SYT14: variants seen among roughly 807,000 people sequenced by gnomAD.
The protein encoded by SYT14 is synaptotagmin 14.
In SYT14, 32 loss-of-function variants were observed where a neutral mutation model predicts 74.2. The ratio of observed to expected loss-of-function variants is 0.43; its 90% CI spans 0.33 to 0.58. SYT14 has a LOEUF of 0.58. Ranked by LOEUF, SYT14 falls within the 20% of genes least tolerant of loss-of-function variation. The pLI is 0.05. For synonymous variants in SYT14, 298 were observed against 337.7 expected (o/e 0.88, Z 1.29); for missense variants, 791 against 981.8 (o/e 0.81, Z 2.60).
chr1:209,990,548 T>TACGTATATATATGTATATATATATATAC, intron 2 of SYT14, among the ~76,000 whole-genome samples: 1 of 68,060 alleles, frequency 1.5e-5, no homozygotes, highest in East Asian at 3.3e-4. Context: ...CGTATATATA[T>TACGTATATATATGTATATATATATATAC]GTATATATAT....
intron 1 of SYT14, among the ~76,000 whole-genome samples, chr1:209,948,098 T>C (rs529029936): frequency 1.3e-5 from 2 of 152,236 alleles, no homozygotes; most frequent in Non-Finnish European, 2.9e-5. Flanking sequence ...CCAAAAAGTT[T>C]ATGTGACTTG....
chr1:210,128,551 T>C (rs2082614808), intron 7 of SYT14, among the ~76,000 whole-genome samples: 1 of 152,208 alleles, frequency 6.6e-6, no homozygotes, highest in Non-Finnish European at 1.5e-5. Context: ...CACTTTTATA[T>C]TACATTAGAA....
intron 2 of SYT14, among the ~76,000 whole-genome samples, chr1:209,958,612 A>G (rs2079029051): frequency 6.6e-6 from 1 of 152,138 alleles, no homozygotes; most frequent in Non-Finnish European, 1.5e-5. Flanking sequence ...TTATGTTTAG[A>G]TACCTTATAT....
intron 2 of SYT14, among the ~76,000 whole-genome samples, chr1:209,961,652 A>G (rs114447222): frequency 1.4e-3 from 206 of 152,252 alleles, no homozygotes; most frequent in African/African-American, 4.1e-3. Flanking sequence ...TGGTATGTAC[A>G]TATTATTATT....
intron 5 of SYT14, among the ~76,000 whole-genome samples, chr1:210,063,408 G>A (rs759159400): frequency 6.6e-6 from 1 of 151,676 alleles, no homozygotes; most frequent in Non-Finnish European, 1.5e-5. Context: ...ACTTTATTGT[G>A]TTCCAATTAA....
intron 7 of SYT14, among the ~76,000 whole-genome samples, chr1:210,111,476 A>G (rs1215371420): frequency 6.6e-6 from 1 of 151,340 alleles, no homozygotes; most frequent in African/African-American, 2.5e-5. Flanking sequence ...AAGAAAAATA[A>G]AACAAAATAC....
intron 2 of SYT14, 131 bp downstream of exon 2, chr1:209,952,887 TACAG>T (rs1356384182): frequency 9.1e-7 from 1 of 1,104,208 alleles, no homozygotes; most frequent in Non-Finnish European, 1.3e-6. Context: ...ACATTTGTCT[TACAG>T]ACTTAAGCAT....
chr1:209,993,798 G>A (rs1298669892), intron 2 of SYT14, among the ~76,000 whole-genome samples: 2 of 152,116 alleles, frequency 1.3e-5, no homozygotes, highest in African/African-American at 4.8e-5. Flanking sequence ...GTGCACACCT[G>A]TGAAAGTGAG....
intron 2 of SYT14, among the ~76,000 whole-genome samples, chr1:209,987,537 G>A (rs1283412045): frequency 6.6e-6 from 1 of 152,172 alleles, no homozygotes; most frequent in Non-Finnish European, 1.5e-5. Flanking sequence ...ACTACTGTAA[G>A]GACAGCACCA....
chr1:209,971,924 C>T (rs1043414538), intron 2 of SYT14, among the ~76,000 whole-genome samples: 1 of 152,118 alleles, frequency 6.6e-6, no homozygotes, highest in African/African-American at 2.4e-5. Flanking sequence ...AGGAGTCCCT[C>T]CTCCTTGTTT....
intron 2 of SYT14, among the ~76,000 whole-genome samples, chr1:210,008,063 C>T (rs1572149907): frequency 6.6e-6 from 1 of 152,126 alleles, no homozygotes; most frequent in Non-Finnish European, 1.5e-5. Flanking sequence ...GTTTTACTTA[C>T]TCTTTGTGAA....
chr1:210,153,744 T>C (rs2102707015), intron 7 of SYT14, among the ~76,000 whole-genome samples: 1 of 152,330 alleles, frequency 6.6e-6, no homozygotes, highest in East Asian at 1.9e-4. Context: ...CATTTTATTG[T>C]CTTTAGTAAG....
At chr1:210,081,246 G>A (rs1164177896) in intron 5 of SYT14, among the ~76,000 whole-genome samples, 2 of 152,092 alleles carry the variant, frequency 1.3e-5, no homozygotes, top group East Asian at 1.9e-4. Context: ...GTATAGAACC[G>A]GCTCTGAAGA....
chr1:209,954,034 A>G (rs2078953514), intron 2 of SYT14, among the ~76,000 whole-genome samples: 1 of 152,242 alleles, frequency 6.6e-6, no homozygotes, highest in Non-Finnish European at 1.5e-5. Context: ...TGTTTGAAAT[A>G]ATTTTATAGT....
intron 5 of SYT14, among the ~76,000 whole-genome samples, chr1:210,090,471 C>T (rs1173506740): frequency 1.3e-5 from 2 of 151,958 alleles, no homozygotes; most frequent in African/African-American, 2.4e-5. Context: ...GGTCATATTC[C>T]GTGTGTGCAC....
At chr1:210,034,559 T>G (rs1051392741) in intron 5 of SYT14, among the ~76,000 whole-genome samples, 1 of 151,624 alleles carries the variant, frequency 6.6e-6, no homozygotes, top group Non-Finnish European at 1.5e-5. Context: ...TACATTGTAC[T>G]CATTAGGCAA....
At chr1:209,945,494 T>TA (rs953994585) in intron 1 of SYT14, among the ~76,000 whole-genome samples, 8 of 152,202 alleles carry the variant, frequency 5.3e-5, no homozygotes, top group Admixed American at 3.3e-4. Flanking sequence ...GTTTCATGCT[T>TA]ACGATGTACA....
chr1:210,086,978 C>A (rs762686777), intron 5 of SYT14, among the ~76,000 whole-genome samples: 97 of 152,196 alleles, frequency 6.4e-4, no homozygotes, highest in Non-Finnish European at 1.2e-3. Context: ...TCCCATCTCC[C>A]TGCACACATG....
chr1:210,104,226 A>G (rs1400240648), intron 7 of SYT14, among the ~76,000 whole-genome samples: 2 of 152,246 alleles, frequency 1.3e-5, no homozygotes, highest in Non-Finnish European at 2.9e-5. Flanking sequence ...TCCTTGGCAG[A>G]AAAGAATCCA....
Sources: allele counts gnomAD v4.1 joint callset (sites outside exome capture counted in the v4.1 genomes callset), GRCh38; gene constraint gnomAD v4.1.1; transcripts MANE v1.5; gene names NCBI Gene and HGNC (gene_info 2026-07-23, HGNC 2026-07-21).